CATSPERT: variants seen among roughly 807,000 people sequenced by gnomAD.
The protein encoded by CATSPERT is cation channel sperm-associated targeting subunit tau.
At chr2:201,559,906 C>A in the CATSPERT span, among the ~76,000 whole-genome samples, 2 of 152,112 alleles carry the variant, frequency 1.3e-5, no homozygotes, top group South Asian at 4.1e-4. Flanking sequence ...TCAATAAAAA[C>A]AATAATTCTC....
chr2:201,617,268 G>A, the CATSPERT span, among the ~76,000 whole-genome samples: 2 of 152,168 alleles, frequency 1.3e-5, no homozygotes, highest in African/African-American at 4.8e-5. Flanking sequence ...TAAGCCAAAA[G>A]AACAAAGCTG....
the CATSPERT span, among the ~76,000 whole-genome samples, chr2:201,532,788 A>C: frequency 5.3e-5 from 8 of 152,210 alleles, no homozygotes; most frequent in African/African-American, 9.6e-5. Context: ...AAATGCGGCT[A>C]AGTAGTCACA....
the CATSPERT span, among the ~76,000 whole-genome samples, chr2:201,539,045 T>C: frequency 6.6e-6 from 1 of 152,234 alleles, no homozygotes; most frequent in Non-Finnish European, 1.5e-5. Context: ...ATGTACTACA[T>C]TTTCTTTATC....
the CATSPERT span, chr2:201,495,753 C>A: frequency 7.1e-6 from 2 of 282,602 alleles, no homozygotes; most frequent in Non-Finnish European, 1.3e-5. Context: ...TTCATTAGGT[C>A]AGAAGTGGAC....
At chr2:201,519,008 A>C in the CATSPERT span, among the ~76,000 whole-genome samples, 1 of 152,204 alleles carries the variant, frequency 6.6e-6, no homozygotes, top group African/African-American at 2.4e-5. Context: ...ATAACACAAT[A>C]ACTCCTCATA....
At chr2:201,593,617 C>G in the CATSPERT span, among the ~76,000 whole-genome samples, 591 of 144,264 alleles carry the variant, frequency 4.1e-3, 5 homozygotes, top group African/African-American at 0.014. Flanking sequence ...GAGTCTAAGT[C>G]TCTTTGTAGG....
chr2:201,491,529 A>G, the CATSPERT span: 1 of 1,536,200 alleles, frequency 6.5e-7, no homozygotes, highest in South Asian at 1.2e-5. Flanking sequence ...TATTATTGTT[A>G]TTATTTCCTT....
At chr2:201,603,124 T>C in the CATSPERT span, 1 of 1,017,686 alleles carries the variant, frequency 9.8e-7, no homozygotes, top group African/African-American at 1.6e-5. Context: ...ATGGTCAATG[T>C]GTTAAGCCAC....
chr2:201,590,171 T>G, the CATSPERT span, among the ~76,000 whole-genome samples: 555 of 136,002 alleles, frequency 4.1e-3, no homozygotes, highest in African/African-American at 4.0e-3. Flanking sequence ...GAGTGTGATG[T>G]TCCCCTTCCT....
the CATSPERT span, among the ~76,000 whole-genome samples, chr2:201,585,786 AAG>A: frequency 1.3e-5 from 2 of 152,222 alleles, no homozygotes; most frequent in African/African-American, 2.4e-5. Context: ...CATTTTTAAA[AAG>A]AGTAGTGTAT....
chr2:201,600,755 CTT>C, the CATSPERT span, among the ~76,000 whole-genome samples: 325 of 142,442 alleles, frequency 2.3e-3, no homozygotes, highest in Middle Eastern at 3.5e-3. Context: ...TAATGTCATT[CTT>C]TTTTTTTTTT....
the CATSPERT span, chr2:201,554,338 C>G: frequency 6.6e-6 from 1 of 152,132 alleles, no homozygotes; most frequent in African/African-American, 2.4e-5. Flanking sequence ...ACAATGGTAT[C>G]TAGTACATAT....
At chr2:201,591,712 G>A in the CATSPERT span, among the ~76,000 whole-genome samples, 2 of 152,090 alleles carry the variant, frequency 1.3e-5, no homozygotes, top group African/African-American at 2.4e-5. Flanking sequence ...TCCCTTGTAA[G>A]TTGGATTCCT....
At chr2:201,601,570 C>T in the CATSPERT span, among the ~76,000 whole-genome samples, 1 of 151,954 alleles carries the variant, frequency 6.6e-6, no homozygotes, top group Non-Finnish European at 1.5e-5. Flanking sequence ...TTTTTTAAAA[C>T]ACCACTATAG....
At chr2:201,511,907 G>T in the CATSPERT span, 6 of 132,418 alleles carry the variant, frequency 4.5e-5, no homozygotes, top group Non-Finnish European at 9.5e-5. Flanking sequence ...TCCGAAGATT[G>T]TTTTCCCACA....
chr2:201,517,386 C>T, the CATSPERT span, among the ~76,000 whole-genome samples: 1 of 152,162 alleles, frequency 6.6e-6, no homozygotes, highest in Non-Finnish European at 1.5e-5. Context: ...GGAATCTTCT[C>T]ATATTCCCTA....
At chr2:201,493,235 G>A in the CATSPERT span, 1 of 1,536,492 alleles carries the variant, frequency 6.5e-7, no homozygotes, top group Non-Finnish European at 8.7e-7. Flanking sequence ...CAAAGCCTCT[G>A]ACCATTTCTT....
chr2:201,571,923 G>A, the CATSPERT span: 34 of 1,606,142 alleles, frequency 2.1e-5, no homozygotes, highest in South Asian at 3.3e-5. Flanking sequence ...CCATATTAAC[G>A]AGACTTAAAA....
the CATSPERT span, among the ~76,000 whole-genome samples, chr2:201,517,209 A>T: frequency 2.6e-5 from 4 of 152,074 alleles, no homozygotes; most frequent in Non-Finnish European, 5.9e-5. Flanking sequence ...AGGGAGAGTG[A>T]GCAACAAACA....
Sources: allele counts gnomAD v4.1 joint callset (sites outside exome capture counted in the v4.1 genomes callset), GRCh38; gene constraint gnomAD v4.1.1; transcripts MANE v1.5; gene names NCBI Gene and HGNC (gene_info 2026-07-23, HGNC 2026-07-21).